Variants in UPK1A observed in about 807,000 individuals in gnomAD.
UPK1A encodes uroplakin-1a.
In UPK1A, 31 loss-of-function variants were observed where a neutral mutation model predicts 32.3. That is an observed-to-expected ratio of 0.96 (90% CI 0.72 to 1.30). UPK1A has a LOEUF of 1.30. Among genes scored for constraint, UPK1A ranks in the 50% most tolerant of loss-of-function variants. The probability of loss-of-function intolerance (pLI) is 0.00; values close to 1 mark genes in which losing one functional copy is unlikely to be tolerated. For missense variants in UPK1A, 340 were observed against 357.4 expected (o/e 0.95, Z 0.39); for synonymous variants, 135 against 137.1 (o/e 0.98, Z 0.11).
chr19:35,667,660 C>T (rs1358958616), intron 2 of UPK1A, among the ~76,000 whole-genome samples: 2 of 151,560 alleles, frequency 1.3e-5, no homozygotes, highest in African/African-American at 4.8e-5. Flanking sequence ...CACCCGGCTA[C>T]TTTTTGTATT....
At chr19:35,671,140 G>A (rs1968089344) in intron 3 of UPK1A, among the ~76,000 whole-genome samples, 1 of 151,944 alleles carries the variant, frequency 6.6e-6, no homozygotes, top group African/African-American at 2.4e-5. Context: ...TGTAATCCCA[G>A]CAGTTTGGGA....
chr19:35,668,680 G>A, intron 3 of UPK1A, 26 bp downstream of exon 3: 5 of 1,594,362 alleles, frequency 3.1e-6, no homozygotes, highest in South Asian at 1.1e-5. Context: ...TTGGGGGATG[G>A]GGACACTGAA....
chr19:35,675,372 C>G (rs111770198), intron 5 of UPK1A, among the ~76,000 whole-genome samples: 10 of 152,152 alleles, frequency 6.6e-5, no homozygotes, highest in African/African-American at 2.4e-4. Context: ...GTCGCCACCT[C>G]CCGGATTCAA....
chr19:35,678,176 C>A, exon 8 of UPK1A: 1 of 955,724 alleles, frequency 1.0e-6, no homozygotes, highest in Non-Finnish European at 1.5e-6. Flanking sequence ...GGTTCCTGAG[C>A]CCTACTGTGT....
chr19:35,675,910 C>A, exon 6 of UPK1A: 3 of 1,614,012 alleles, frequency 1.9e-6, no homozygotes, highest in Non-Finnish European at 2.5e-6. Context: ...GCGGCCACTC[C>A]GGAGGTGGTG....
intron 3 of UPK1A, among the ~76,000 whole-genome samples, chr19:35,669,195 G>T (rs1458408314): frequency 2.6e-5 from 4 of 152,034 alleles, no homozygotes; most frequent in Non-Finnish European, 5.9e-5. Context: ...GATTGAAACT[G>T]AGGCTCAGAG....
exon 3 of UPK1A, chr19:35,668,592 T>C (rs1447913916): frequency 1.9e-6 from 3 of 1,614,148 alleles, no homozygotes; most frequent in Non-Finnish European, 2.5e-6. Context: ...CTTCTCCTTC[T>C]TCATGGTAGC....
At chr19:35,668,346 T>A (rs1255447980) in intron 2 of UPK1A, 108 bp from the exon 3 acceptor site, 15 of 1,338,042 alleles carry the variant, frequency 1.1e-5, no homozygotes, top group Non-Finnish European at 1.5e-5. Flanking sequence ...CCCACTTTAC[T>A]GAGAGGGCAG....
At chr19:35,676,195 C>CT (rs747589460) in intron 6 of UPK1A, 176 bp downstream of exon 6, 29,753 of 553,528 alleles carry the variant, frequency 0.054, no homozygotes, top group South Asian at 0.081. Flanking sequence ...TTCTTTCTTT[C>CT]TTTTTTTTTT....
intron 3 of UPK1A, among the ~76,000 whole-genome samples, chr19:35,669,932 A>G (rs10401695): frequency 0.71 from 107,544 of 152,116 alleles, 39,979 homozygotes; most frequent in East Asian, 0.94. Flanking sequence ...CAGGAGCTAC[A>G]TGCTGAGCCC....
rs752118372 is a variant in UPK1A at position 35,668,444 on chromosome 19, C to G, written c.85-10C>G. ...CCGAGCAGACCTTCCTAACCCACCGCTCTGTCCAGCTGTCAGGCCTGTCCC... is the reference window on the plus strand; with the variant it reads ...CCGAGCAGACCTTCCTAACCCACCGGTCTGTCCAGCTGTCAGGCCTGTCCC... On this transcript the variant is annotated splice_polypyrimidine_tract_variant and intron_variant, in intron 2 of 7. Coordinates refer to ENST00000617999, the Ensembl canonical transcript of UPK1A. 2 of 1,613,958 alleles carry G rather than the reference C, an allele frequency of 1.2e-6. No individual in the cohort carries two copies. Among genetic ancestry groups the G allele is most frequent in the African/African-American group, 2.7e-5 (2 of 74,948 alleles).
At position 35,668,516 on chromosome 19, in the gene UPK1A, C is replaced by G. The variant is rs764221047; in HGVS notation, c.147C>G (p.Tyr49Ter). The stretch of plus-strand genomic sequence containing the variant: ...TGACAGCCGACCAGTACCGTGTATA[C>G]CCACTGATGGGAGTCTCAGGCAAGG... Residue 49 changes from tyrosine (Y) to a stop codon, truncating the protein, a stop_gained, in exon 3 of 8, where the codon TAC becomes TAG. Transcript: ENST00000617999. LOFTEE classifies it high-confidence loss of function. 1.2e-6 allele frequency: 2 copies of G among 1,614,184 alleles called. No individual in the cohort carries two copies. The highest frequency in any genetic ancestry group is 2.2e-5 in the East Asian group (1 of 44,888).
At chr19:35,675,711 C>T in intron 5 of UPK1A, 129 bp from the exon 6 acceptor site, 6 of 1,091,400 alleles carry the variant, frequency 5.5e-6, no homozygotes, top group Non-Finnish European at 7.6e-6. Flanking sequence ...CGCTTGGAGG[C>T]CCAGGACATG....
Position 35,677,097 on chromosome 19 carries a change from G to A in UPK1A, c.649-715G>A, listed in dbSNP as rs571409151. ...AAATTAGCCAGGCGTGGTGGTGCGC[G>A]CCTGTAATCCCAGCTACTGGGGAGG... On this transcript the variant is annotated intron_variant, in intron 6 of 7. Transcript: ENST00000617999. 1.2e-3 allele frequency among the ~76,000 whole-genome samples: 179 copies of A among 151,658 alleles called. 2 individuals carry two copies. Among genetic ancestry groups the A allele is most frequent in the Non-Finnish European group, 2.8e-4 (19 of 67,882 alleles).
At chr19:35,668,827 G>C (rs1013773200) in intron 3 of UPK1A, 173 bp downstream of exon 3, 18 of 714,018 alleles carry the variant, frequency 2.5e-5, no homozygotes, top group Non-Finnish European at 4.0e-5. Flanking sequence ...CCAGGCTTGA[G>C]TAGCAGAGCT....
chr19:35,668,602 C>T, exon 3 of UPK1A: 1 of 1,614,038 alleles, frequency 6.2e-7, no homozygotes, highest in Non-Finnish European at 8.5e-7. Context: ...TTCATGGTAG[C>T]CAGTTTTGGT....
At chr19:35,669,486 G>T (rs1210164979) in intron 3 of UPK1A, among the ~76,000 whole-genome samples, 1 of 139,818 alleles carries the variant, frequency 7.2e-6, no homozygotes, top group Non-Finnish European at 1.5e-5. Context: ...CCAACATGGC[G>T]AAATCCCATC....
At chr19:35,674,093 G>A (rs1342213218) in intron 5 of UPK1A, among the ~76,000 whole-genome samples, 2 of 151,682 alleles carry the variant, frequency 1.3e-5, no homozygotes, top group African/African-American at 4.8e-5. Flanking sequence ...TGTGGAGATG[G>A]GGGTCTTGCT....
rs780657748 is a variant in UPK1A, at chr19:35,675,886, C to T, written c.515C>T (p.Thr172Met). Residue 172 changes from threonine to methionine, a missense_variant, in exon 6 of 8, where the codon ACG (threonine) becomes ATG (methionine). Physicochemically the swap from Thr to Met is moderately conservative, Grantham distance 81 (BLOSUM62 -1). Transcript: ENST00000617999. ...GGTCCCATGGACTGGGTGAACTTCA[C>T]GTCAGCCTTCCGGGCGGCCACTCCG... 2.3e-5 allele frequency: 37 copies of T among 1,613,896 alleles called. No individual in the cohort carries two copies. The highest frequency in any genetic ancestry group is 2.2e-4 in the East Asian group (10 of 44,872).
Sources: allele counts gnomAD v4.1 joint callset (sites outside exome capture counted in the v4.1 genomes callset), GRCh38; gene constraint gnomAD v4.1.1; transcripts MANE v1.5; gene names NCBI Gene and HGNC (gene_info 2026-07-23, HGNC 2026-07-21).